Variants in GABRB3 observed in about 807,000 individuals in gnomAD.
GABRB3 encodes the protein gamma-aminobutyric acid type A receptor subunit beta3.
A neutral mutation model predicts 52.1 loss-of-function variants in GABRB3; 14 were observed. The ratio of observed to expected loss-of-function variants is 0.27; its 90% CI spans 0.18 to 0.42. The LOEUF (loss-of-function observed/expected upper bound fraction) is 0.42, where lower values mean the gene tolerates loss of function less well. Ranked by LOEUF, GABRB3 falls within the 10% of genes least tolerant of loss-of-function variation. The pLI is 1.00. For missense variants in GABRB3, 307 were observed against 609.1 expected, an observed-to-expected ratio of 0.50 and a Z score of 5.22; for synonymous variants, 260 against 232.3, an observed-to-expected ratio of 1.12 and a Z score of -1.08.
In GABRB3 at chr15:26,610,698, C is replaced by T. The variant is rs143327627; in HGVS notation, c.461+10616G>A. ...TGGAGCCTAACTGGAAACTGCTTTA[C>T]CTAAAACTGTGGTTCACAGCGTTCA... is the stretch of plus-strand genomic sequence containing the variant. On this transcript the variant is annotated intron_variant, in intron 4 of 8. Coordinates refer to ENST00000311550, the MANE Select transcript of GABRB3 (RefSeq NM_000814.6). Among the ~76,000 whole-genome samples, 88 of 152,208 alleles carry T rather than the reference C, an allele frequency of 5.8e-4. 1 individual carries two copies. The highest frequency in any genetic ancestry group is 2.0e-3 in the African/African-American group (85 of 41,532).
At chr15:26,582,420 A>G (rs1890820378) in intron 5 of GABRB3, among the ~76,000 whole-genome samples, 1 of 152,210 alleles carries the variant, frequency 6.6e-6, no homozygotes, top group South Asian at 2.1e-4. Flanking sequence ...CTTTTCCCTG[A>G]GCCTTCTGTC....
chr15:26,625,921 C>T (rs917017062), intron 3 of GABRB3, among the ~76,000 whole-genome samples: 3 of 152,150 alleles, frequency 2.0e-5, no homozygotes, highest in Admixed American at 1.3e-4. Flanking sequence ...CCAGGCTGCA[C>T]AAGAAACTAT....
intron 3 of GABRB3, among the ~76,000 whole-genome samples, chr15:26,698,750 C>T (rs1006940792): frequency 6.6e-6 from 1 of 152,192 alleles, no homozygotes; most frequent in African/African-American, 2.4e-5. Context: ...CAAAGGCTCC[C>T]GCCTGGCTTG....
intron 3 of GABRB3, among the ~76,000 whole-genome samples, chr15:26,702,606 T>C (rs1281760338): frequency 6.6e-6 from 1 of 152,176 alleles, no homozygotes; most frequent in Non-Finnish European, 1.5e-5. Context: ...CCACTGCTGA[T>C]GAGAACATAA....
chr15:26,772,084 C>G, intron 3 of GABRB3: 1 of 304,240 alleles, frequency 3.3e-6, no homozygotes, highest in Non-Finnish European at 5.9e-6. Context: ...GCTCGGGAAA[C>G]CTCGGGACCA....
intron 3 of GABRB3, among the ~76,000 whole-genome samples, chr15:26,722,717 G>A (rs776851602): frequency 6.6e-6 from 1 of 152,214 alleles, no homozygotes; most frequent in African/African-American, 2.4e-5. Context: ...TGGCTGGCCC[G>A]GGAAGCAGTC....
chr15:26,545,328 G>A lies in GABRB3; in HGVS notation c.*2465C>T, dbSNP rs2140639223. 6.6e-6 allele frequency: 1 copy of A among 152,578 alleles called. No homozygotes were observed. Among genetic ancestry groups the A allele is most frequent in the South Asian group, 2.1e-4 (1 of 4,810 alleles). The allele number at this position is 152,578 out of a possible 1,614,324, so 9.5% of individuals were successfully genotyped here. A position where few individuals can be genotyped will look rare whatever the true frequency, so the allele number is the denominator to read the frequency against. ...CCAAATGCATATAAAAAGCTCAAAA[G>A]CTATTATGACTATACCATGCAAATT... On this transcript the variant is annotated 3_prime_UTR_variant, in exon 9 of 9. Transcript: ENST00000311550.
chr15:26,713,061 G>C (rs1198477530), intron 3 of GABRB3, among the ~76,000 whole-genome samples: 2 of 152,324 alleles, frequency 1.3e-5, no homozygotes, highest in East Asian at 3.9e-4. Flanking sequence ...AGAAAGGACA[G>C]CTTTTTAAGA....
chr15:26,738,946 A>G (rs977741197), intron 3 of GABRB3, among the ~76,000 whole-genome samples: 2 of 152,242 alleles, frequency 1.3e-5, no homozygotes, highest in African/African-American at 4.8e-5. Flanking sequence ...AAAGGGGAAG[A>G]AAGACCTAGG....
chr15:26,549,721 C>G (rs756913342), intron 8 of GABRB3, among the ~76,000 whole-genome samples: 3 of 152,086 alleles, frequency 2.0e-5, no homozygotes, highest in Non-Finnish European at 4.4e-5. Context: ...ATGGCAGGAT[C>G]CAGCATCCAA....
intron 7 of GABRB3, among the ~76,000 whole-genome samples, chr15:26,565,312 G>A (rs1890126971): frequency 6.6e-6 from 1 of 152,162 alleles, no homozygotes; most frequent in South Asian, 2.1e-4. Context: ...GGGAATGCAT[G>A]TGCAGGTGTC....
At chr15:26,583,064 G>A (rs868844097) in intron 5 of GABRB3, among the ~76,000 whole-genome samples, 5 of 152,034 alleles carry the variant, frequency 3.3e-5, no homozygotes, top group African/African-American at 9.7e-5. Flanking sequence ...ATAGCATCTC[G>A]GTGTTTGCTC....
chr15:26,710,848 T>C (rs760832323), intron 3 of GABRB3, among the ~76,000 whole-genome samples: 7 of 152,110 alleles, frequency 4.6e-5, no homozygotes, highest in African/African-American at 9.7e-5. Flanking sequence ...AAATATTTTC[T>C]CCCAGTTAGT....
intron 3 of GABRB3, among the ~76,000 whole-genome samples, chr15:26,719,363 G>A (rs985848080): frequency 6.6e-6 from 1 of 152,196 alleles, no homozygotes; most frequent in Admixed American, 6.5e-5. Flanking sequence ...TCTACAAATG[G>A]AATGTGCTTG....
rs1343217000 is a variant in GABRB3, at chr15:26,702,359, C to A, written c.240+70043G>T. Among the ~76,000 whole-genome samples, 5 of 152,102 alleles carry A rather than the reference C, an allele frequency of 3.3e-5. No homozygotes were observed. The South Asian group carries it at 6.2e-4, about 19-fold the overall frequency. ...AGCTTACATCCAATTATGTAAGGAACCCTTGAGATTCAACAATAAGGAAAT... is the reference window on the plus strand; with the variant it reads ...AGCTTACATCCAATTATGTAAGGAAACCTTGAGATTCAACAATAAGGAAAT... On this transcript the variant is annotated intron_variant, in intron 3 of 8. Coordinates refer to ENST00000311550, the MANE Select transcript of GABRB3 (RefSeq NM_000814.6).
At chr15:26,642,823 T>C (rs116994941) in intron 3 of GABRB3, among the ~76,000 whole-genome samples, 133 of 152,254 alleles carry the variant, frequency 8.7e-4, no homozygotes, top group Non-Finnish European at 1.5e-3. Context: ...CATTCATCAT[T>C]TTCTATTAAT....
chr15:26,751,810 T>A (rs1373416679), intron 3 of GABRB3, among the ~76,000 whole-genome samples: 1 of 151,954 alleles, frequency 6.6e-6, no homozygotes, highest in African/African-American at 2.4e-5. Flanking sequence ...CAGATTTTTA[T>A]TTTTTAGGAA....
At chr15:26,716,591 A>G in intron 3 of GABRB3, 1 of 992,436 alleles carries the variant, frequency 1.0e-6, no homozygotes, top group Non-Finnish European at 1.2e-6. Flanking sequence ...CCTCACATCA[A>G]CTTGTGAATC....
At chr15:26,639,743 C>T (rs918681051) in intron 3 of GABRB3, among the ~76,000 whole-genome samples, 2 of 152,214 alleles carry the variant, frequency 1.3e-5, no homozygotes, top group Non-Finnish European at 2.9e-5. Context: ...GAAATTCAGA[C>T]ATGCCAGTAC....
Sources: gnomAD v4.1 joint callset for allele counts (sites outside exome capture counted in the v4.1 genomes callset) on GRCh38, gnomAD v4.1.1 for gene constraint, MANE v1.5 for transcripts, NCBI Gene and HGNC (gene_info 2026-07-23, HGNC 2026-07-21) for gene names.